The following TBC1D22A variants were observed in gnomAD, a reference collection of about 807,000 sequenced individuals.
The protein encoded by TBC1D22A is TBC1 domain family member 22A, also known as putative GTPase activator.
In TBC1D22A, 38 loss-of-function variants were observed where a neutral mutation model predicts 60.2. The ratio of observed to expected loss-of-function variants is 0.63; its 90% confidence interval spans 0.49 to 0.83. The LOEUF (loss-of-function observed/expected upper bound fraction) is 0.83, where lower values mean the gene tolerates loss of function less well. Ranked by LOEUF, TBC1D22A falls within the 40% of genes least tolerant of loss-of-function variation. The probability of loss-of-function intolerance (pLI) is 0.00; values close to 1 mark genes in which losing one functional copy is unlikely to be tolerated. For missense variants in TBC1D22A, 628 were observed against 701.0 expected, an observed-to-expected ratio of 0.90 and a Z score of 1.18; for synonymous variants, 302 against 281.7, an observed-to-expected ratio of 1.07 and a Z score of -0.72.
At chr22:46,904,100 T>TCA (rs1181616506) in intron 7 of TBC1D22A, among the ~76,000 whole-genome samples, 2,076 of 48,432 alleles carry the variant, frequency 0.043, 46 homozygotes, top group African/African-American at 0.092. Context: ...AAATAAAATC[T>TCA]ATCTATCTAT....
chr22:46,950,366 G>A lies in TBC1D22A; in HGVS notation c.1016-23924G>A, dbSNP rs112163637. ...AGGAGCTTAGTCTTGGATGGGTGCCGTTTGTGTGGCCTGTTGCACATCCTA... is the reference window on the plus strand; with the variant it reads ...AGGAGCTTAGTCTTGGATGGGTGCCATTTGTGTGGCCTGTTGCACATCCTA... On this transcript the variant is annotated intron_variant, in intron 8 of 12. Coordinates refer to ENST00000337137, the MANE Select transcript of TBC1D22A (RefSeq NM_014346.5). Among the ~76,000 whole-genome samples, 169 of 152,288 alleles carry A rather than the reference G, an allele frequency of 1.1e-3. 1 individual carries two copies. The highest frequency in any genetic ancestry group is 3.9e-3 in the African/African-American group (160 of 41,548).
Position 47,150,432 on chromosome 22 carries a change from G to A in TBC1D22A, c.1426-23066G>A, listed in dbSNP as rs528168912. 8.3e-4 allele frequency among the ~76,000 whole-genome samples: 127 copies of A among 152,276 alleles called. 1 individual carries two copies. In the South Asian group the frequency reaches 0.021, roughly 25 times the overall value. ...ACGTGACCCAGGACTCACCCTGTGT[G>A]CTCCCATCTCTGCTCCAGGAGTGTC... is the stretch of plus-strand genomic sequence containing the variant. On this transcript the variant is annotated intron_variant, in intron 12 of 12. Transcript: ENST00000337137.
intron 11 of TBC1D22A, among the ~76,000 whole-genome samples, chr22:47,101,412 C>A (rs1488464979): frequency 6.6e-6 from 1 of 152,216 alleles, no homozygotes; most frequent in Non-Finnish European, 1.5e-5. Flanking sequence ...CTGCCCTGGT[C>A]GGGCTAGGTA....
chr22:47,151,171 C>G (rs182766902), intron 12 of TBC1D22A, among the ~76,000 whole-genome samples: 1 of 152,152 alleles, frequency 6.6e-6, no homozygotes, highest in Non-Finnish European at 1.5e-5. Flanking sequence ...CCTGGCTGTG[C>G]GGGCCCAGAG....
intron 4 of TBC1D22A, among the ~76,000 whole-genome samples, chr22:46,848,369 G>C (rs192420221): frequency 1.3e-5 from 2 of 152,226 alleles, no homozygotes; most frequent in African/African-American, 4.8e-5. Context: ...GCAGTGGAGA[G>C]CCAGCTAGAG....
At chr22:46,798,892 G>A (rs180977966) in intron 4 of TBC1D22A, among the ~76,000 whole-genome samples, 16 of 152,356 alleles carry the variant, frequency 1.1e-4, no homozygotes, top group Admixed American at 1.0e-3. Context: ...GGCAGGGAGA[G>A]GGTTTCCGGG....
At chr22:46,767,440 G>A (rs2083325724) in intron 1 of TBC1D22A, among the ~76,000 whole-genome samples, 1 of 152,182 alleles carries the variant, frequency 6.6e-6, no homozygotes, top group African/African-American at 2.4e-5. Flanking sequence ...TTGATGATTT[G>A]CTGATCCAGC....
chr22:46,956,669 A>AGCCTGTGG (rs1338475363), intron 8 of TBC1D22A, among the ~76,000 whole-genome samples: 4 of 152,172 alleles, frequency 2.6e-5, no homozygotes, highest in Admixed American at 6.5e-5. Flanking sequence ...TGTGTGCAGA[A>AGCCTGTGG]GCCTGTGGGC....
intron 3 of TBC1D22A, among the ~76,000 whole-genome samples, chr22:46,795,098 T>A (rs2084595049): frequency 6.6e-6 from 1 of 152,264 alleles, no homozygotes; most frequent in Non-Finnish European, 1.5e-5. Context: ...TTTTGGAGTG[T>A]AATAAATTTT....
intron 4 of TBC1D22A, among the ~76,000 whole-genome samples, chr22:46,807,564 C>A (rs1168471377): frequency 6.6e-6 from 1 of 152,148 alleles, no homozygotes; most frequent in East Asian, 1.9e-4. Flanking sequence ...GCGGCAGTGA[C>A]CAGTGTTTAT....
intron 8 of TBC1D22A, among the ~76,000 whole-genome samples, chr22:46,970,914 G>A (rs2074022544): frequency 6.6e-6 from 1 of 152,170 alleles, no homozygotes; most frequent in Non-Finnish European, 1.5e-5. Context: ...AGACACACCA[G>A]CCCGTGGGTA....
intron 12 of TBC1D22A, among the ~76,000 whole-genome samples, chr22:47,136,936 G>A (rs909963940): frequency 6.6e-6 from 1 of 152,090 alleles, no homozygotes. Flanking sequence ...CCTCCCAGTC[G>A]CCCCGGGGCT....
chr22:46,972,379 T>G (rs2074100875), intron 8 of TBC1D22A, among the ~76,000 whole-genome samples: 1 of 152,160 alleles, frequency 6.6e-6, no homozygotes. Context: ...ACATTACCCC[T>G]TGGTGGAGAC....
chr22:46,780,550 G>A (rs1271550013), intron 1 of TBC1D22A, among the ~76,000 whole-genome samples: 1 of 152,232 alleles, frequency 6.6e-6, no homozygotes, highest in African/African-American at 2.4e-5. Flanking sequence ...CTGCCAGGGA[G>A]AGCTGCCTCC....
At chr22:46,810,600 A>G (rs2085338988) in intron 4 of TBC1D22A, among the ~76,000 whole-genome samples, 2 of 152,314 alleles carry the variant, frequency 1.3e-5, no homozygotes, top group Admixed American at 6.5e-5. Flanking sequence ...GTGCAATTCA[A>G]ATAACAGACA....
At chr22:47,147,680 C>G (rs763274264) in intron 12 of TBC1D22A, among the ~76,000 whole-genome samples, 1 of 152,264 alleles carries the variant, frequency 6.6e-6, no homozygotes, top group African/African-American at 2.4e-5. Flanking sequence ...TGTGGTGGGA[C>G]AGGGCCGGGC....
intron 8 of TBC1D22A, among the ~76,000 whole-genome samples, chr22:46,946,080 T>C (rs1286704024): frequency 6.6e-6 from 1 of 152,232 alleles, no homozygotes; most frequent in African/African-American, 2.4e-5. Flanking sequence ...GTTTCTCCCT[T>C]AAAGGTGTGT....
intron 10 of TBC1D22A, among the ~76,000 whole-genome samples, chr22:47,035,215 C>T (rs962175765): frequency 2.0e-5 from 3 of 152,246 alleles, no homozygotes; most frequent in African/African-American, 7.2e-5. Context: ...CCCACCCCCG[C>T]CTGCCTCCGG....
rs757334572 is a variant in TBC1D22A at position 46,793,858 on chromosome 22, G to A, written c.460+17G>A. 8 of 1,528,764 alleles carry A rather than the reference G, an allele frequency of 5.2e-6. No individual in the cohort carries two copies. Among genetic ancestry groups the A allele is most frequent in the Non-Finnish European group, 7.0e-6 (8 of 1,140,734 alleles). The allele number at this position is 1,528,764 out of a possible 1,614,324, so 94.7% of individuals were successfully genotyped here. The stretch of plus-strand genomic sequence containing the variant: ...GTCCTGCAGGTACGATGGGAGGACT[G>A]AAGAGATGGTCTGGGTTTCTGGCCA... On this transcript the variant is annotated intron_variant, in intron 3 of 12. Transcript: ENST00000337137.
Sources: gnomAD v4.1 joint callset for allele counts (sites outside exome capture counted in the v4.1 genomes callset) on GRCh38, gnomAD v4.1.1 for gene constraint, MANE v1.5 for transcripts, NCBI Gene and HGNC (gene_info 2026-07-23, HGNC 2026-07-21) for gene names.